The following CDH13 variants were observed in gnomAD, a reference collection of about 807,000 sequenced individuals.
CDH13 encodes cadherin 13.
Under a neutral mutation model 63.8 loss-of-function variants are expected in CDH13, and 24 were observed. The ratio of observed to expected loss-of-function variants is 0.38; its 90% CI spans 0.27 to 0.53. The LOEUF (loss-of-function observed/expected upper bound fraction) is 0.53, where lower values mean the gene tolerates loss of function less well. Ranked by LOEUF, CDH13 falls within the 20% of genes least tolerant of loss-of-function variation. CDH13 has a pLI of 0.85. For synonymous variants in CDH13, 503 were observed against 355.3 expected (o/e 1.42, Z -4.67); for missense variants, 1,049 against 903.1 (o/e 1.16, Z -2.07).
intron 1 of CDH13, among the ~76,000 whole-genome samples, chr16:82,707,697 T>A (rs1219634908): frequency 6.6e-6 from 1 of 152,168 alleles, no homozygotes; most frequent in Non-Finnish European, 1.5e-5. Flanking sequence ...TCTTTAAGCT[T>A]GATGTCTCTG....
intron 6 of CDH13, among the ~76,000 whole-genome samples, chr16:83,472,985 G>A (rs1330703496): frequency 6.6e-6 from 1 of 152,112 alleles, no homozygotes; most frequent in East Asian, 1.9e-4. Context: ...CTGCCAAATG[G>A]AAATGACTCT....
intron 5 of CDH13, among the ~76,000 whole-genome samples, chr16:83,243,707 A>G (rs892437242): frequency 5.3e-5 from 8 of 152,206 alleles, no homozygotes. Flanking sequence ...AAAAAGGACT[A>G]TGTTAATATT....
intron 11 of CDH13, among the ~76,000 whole-genome samples, chr16:83,776,970 A>G (rs1191880592): frequency 1.1e-5 from 1 of 93,962 alleles, no homozygotes; most frequent in Non-Finnish European, 2.4e-5. Flanking sequence ...GCACAGGTGC[A>G]TTGAATTCAA....
chr16:82,699,911 G>A (rs1025995354), intron 1 of CDH13, among the ~76,000 whole-genome samples: 5 of 152,270 alleles, frequency 3.3e-5, no homozygotes, highest in East Asian at 3.9e-4. Context: ...ACAGTTTTCC[G>A]AAAAAGGAAA....
intron 2 of CDH13, among the ~76,000 whole-genome samples, chr16:82,861,513 T>A (rs1460484656): frequency 6.6e-6 from 1 of 152,344 alleles, no homozygotes; most frequent in East Asian, 1.9e-4. Flanking sequence ...ATGTTTATTC[T>A]GTGGATGGCT....
chr16:83,512,328 A>G (rs1050884537), intron 7 of CDH13, among the ~76,000 whole-genome samples: 3 of 77,366 alleles, frequency 3.9e-5, no homozygotes, highest in African/African-American at 1.0e-4. Context: ...CTCAAAATAA[A>G]TAAATAAATA....
intron 11 of CDH13, among the ~76,000 whole-genome samples, chr16:83,764,270 G>A (rs1410990771): frequency 6.6e-6 from 1 of 152,098 alleles, no homozygotes; most frequent in Non-Finnish European, 1.5e-5. Context: ...ACTTGGACAA[G>A]GATGCTAAAT....
At chr16:83,263,567 A>G (rs1402655048) in intron 5 of CDH13, among the ~76,000 whole-genome samples, 1 of 152,206 alleles carries the variant, frequency 6.6e-6, no homozygotes, top group Non-Finnish European at 1.5e-5. Flanking sequence ...ATGGTTTGAT[A>G]TAAAAAAAAC....
At chr16:83,124,008 G>C (rs979273710) in intron 3 of CDH13, among the ~76,000 whole-genome samples, 1 of 152,034 alleles carries the variant, frequency 6.6e-6, no homozygotes, top group Non-Finnish European at 1.5e-5. Context: ...GTGTCCTTTT[G>C]AAGAATGTCT....
chr16:83,401,765 C>G lies in CDH13; in HGVS notation c.781+56759C>G, dbSNP rs570898530. On this transcript the variant is annotated intron_variant, in intron 6 of 13. Coordinates refer to ENST00000567109, the MANE Select transcript of CDH13 (RefSeq NM_001257.5). ...TGAACCCAATCTGTTAAACAGTTCC[C>G]TCAACAAAGAATTATCTCATTTTGT... is the stretch of plus-strand genomic sequence containing the variant. Among the ~76,000 whole-genome samples the G allele has an allele frequency of 2.0e-5, 3 of 152,290 alleles. No homozygotes were observed. The East Asian group carries it at 5.8e-4, about 29-fold the overall frequency.
chr16:82,802,591 G>T (rs776310069), intron 1 of CDH13, among the ~76,000 whole-genome samples: 15 of 152,128 alleles, frequency 9.9e-5, no homozygotes, highest in Non-Finnish European at 2.1e-4. Flanking sequence ...CCACAGCCCA[G>T]GGTTCATACT....
chr16:83,569,782 G>T (rs1262508707), intron 7 of CDH13, among the ~76,000 whole-genome samples: 1 of 152,114 alleles, frequency 6.6e-6, no homozygotes, highest in African/African-American at 2.4e-5. Context: ...TGTCTCCCAG[G>T]CTGGAGTGCA....
intron 6 of CDH13, among the ~76,000 whole-genome samples, chr16:83,345,994 C>A (rs532114458): frequency 6.6e-6 from 1 of 152,244 alleles, no homozygotes; most frequent in South Asian, 2.1e-4. Flanking sequence ...GCCATGGTAA[C>A]CTTCCCAGAC....
intron 4 of CDH13, among the ~76,000 whole-genome samples, chr16:83,157,476 C>T (rs1381959567): frequency 6.6e-6 from 1 of 152,134 alleles, no homozygotes; most frequent in Non-Finnish European, 1.5e-5. Context: ...ATTTTAATTG[C>T]CTTTTAAAGT....
intron 1 of CDH13, among the ~76,000 whole-genome samples, chr16:82,722,004 G>A (rs769845678): frequency 1.3e-4 from 20 of 152,112 alleles, no homozygotes; most frequent in Non-Finnish European, 2.4e-4. Flanking sequence ...ACCCATAGTC[G>A]GACAGACCAC....
intron 5 of CDH13, among the ~76,000 whole-genome samples, chr16:83,261,845 T>G (rs906116960): frequency 2.6e-5 from 4 of 152,092 alleles, no homozygotes; most frequent in African/African-American, 9.7e-5. Context: ...TGGTCTCTTG[T>G]GCCTGCCTGC....
intron 4 of CDH13, among the ~76,000 whole-genome samples, chr16:83,135,653 A>G (rs1017372081): frequency 6.6e-6 from 1 of 152,216 alleles, no homozygotes; most frequent in African/African-American, 2.4e-5. Flanking sequence ...CTACCATTTG[A>G]TCCAGCAATC....
intron 11 of CDH13, among the ~76,000 whole-genome samples, chr16:83,778,341 C>A (rs750240533): frequency 6.6e-6 from 1 of 152,126 alleles, no homozygotes; most frequent in African/African-American, 2.4e-5. Flanking sequence ...ACCAGACTGA[C>A]CAACGTGGTG....
chr16:83,514,931 G>A (rs990636860), intron 7 of CDH13, among the ~76,000 whole-genome samples: 7 of 152,154 alleles, frequency 4.6e-5, no homozygotes, highest in Non-Finnish European at 7.3e-5. Flanking sequence ...GTGACGTGTA[G>A]TTACTGCAGC....
Sources: gnomAD v4.1 joint callset for allele counts (sites outside exome capture counted in the v4.1 genomes callset) on GRCh38, gnomAD v4.1.1 for gene constraint, MANE v1.5 for transcripts, NCBI Gene and HGNC (gene_info 2026-07-23, HGNC 2026-07-21) for gene names.